The following NDST4 variants were observed in gnomAD, a reference collection of about 807,000 sequenced individuals.
NDST4 encodes N-heparan sulfate sulfotransferase 4.
A neutral mutation model predicts 100.8 loss-of-function variants in NDST4; 63 were observed. The ratio of observed to expected loss-of-function variants is 0.62; its 90% CI spans 0.51 to 0.77. The LOEUF (loss-of-function observed/expected upper bound fraction) is 0.77. Among genes scored for constraint, NDST4 ranks in the 30% least tolerant of loss-of-function variants. NDST4 has a pLI of 0.00. For missense variants in NDST4, 943 were observed against 1,018.4 expected, an observed-to-expected ratio of 0.93 and a Z score of 1.01; for synonymous variants, 377 against 361.8, an observed-to-expected ratio of 1.04 and a Z score of -0.48.
At chr4:114,970,389 C>T (rs1389768407) in intron 4 of NDST4, 41 bp downstream of exon 4, 3 of 1,570,152 alleles carry the variant, frequency 1.9e-6, no homozygotes, top group Non-Finnish European at 2.6e-6. Context: ...CACAAGATCA[C>T]AACTTATAGT....
chr4:115,007,274 T>C (rs1727440622), intron 2 of NDST4, among the ~76,000 whole-genome samples: 1 of 152,160 alleles, frequency 6.6e-6, no homozygotes, highest in Admixed American at 6.6e-5. Context: ...TGGTTAAAAC[T>C]TCTAAATGCT....
chr4:114,973,280 A>C (rs553500667), intron 3 of NDST4, among the ~76,000 whole-genome samples: 2 of 152,090 alleles, frequency 1.3e-5, no homozygotes, highest in Admixed American at 1.3e-4. Context: ...TTCTATACCT[A>C]ATATATACTT....
At chr4:114,973,333 G>T (rs186215204) in intron 3 of NDST4, among the ~76,000 whole-genome samples, 1 of 151,500 alleles carries the variant, frequency 6.6e-6, no homozygotes, top group African/African-American at 2.4e-5. Context: ...TATGTGACCA[G>T]ATTAGCACAT....
chr4:114,846,114 T>C (rs1218145168), intron 9 of NDST4, 117 bp from the exon 10 acceptor site: 8 of 822,128 alleles, frequency 9.7e-6, no homozygotes, highest in Non-Finnish European at 1.5e-5. Flanking sequence ...ATTATTATGC[T>C]GTTATAGTTT....
intron 2 of NDST4, among the ~76,000 whole-genome samples, chr4:114,989,750 G>T (rs970002740): frequency 6.6e-6 from 1 of 152,174 alleles, no homozygotes; most frequent in Admixed American, 6.6e-5. Context: ...CAGGAAGAAA[G>T]TGGTCAGATT....
intron 2 of NDST4, among the ~76,000 whole-genome samples, chr4:115,067,046 G>A (rs1728962648): frequency 6.6e-6 from 1 of 152,158 alleles, no homozygotes; most frequent in Admixed American, 6.6e-5. Flanking sequence ...CTCCACTGTC[G>A]AATATCTTGG....
At chr4:114,862,507 G>T (rs1346362417) in intron 7 of NDST4, among the ~76,000 whole-genome samples, 1 of 152,084 alleles carries the variant, frequency 6.6e-6, no homozygotes, top group African/African-American at 2.4e-5. Context: ...TTTATGCTTA[G>T]CAAAGGTAGA....
chr4:114,864,787 T>C (rs1723990783), intron 7 of NDST4, among the ~76,000 whole-genome samples: 1 of 152,172 alleles, frequency 6.6e-6, no homozygotes, highest in Admixed American at 6.5e-5. Flanking sequence ...TGCTACAAAG[T>C]ACCCTGAATT....
chr4:115,002,971 C>T (rs907322467), intron 2 of NDST4, among the ~76,000 whole-genome samples: 3 of 152,044 alleles, frequency 2.0e-5, no homozygotes, highest in Admixed American at 2.0e-4. Flanking sequence ...AGCAAACTAA[C>T]ACAGGAACAG....
intron 2 of NDST4, among the ~76,000 whole-genome samples, chr4:115,027,637 T>G (rs1290458651): frequency 6.6e-6 from 1 of 152,144 alleles, no homozygotes; most frequent in Admixed American, 6.6e-5. Flanking sequence ...GGAAGATCCT[T>G]TATATCCTGA....
intron 4 of NDST4, among the ~76,000 whole-genome samples, chr4:114,951,713 G>A (rs1052326332): frequency 6.6e-6 from 1 of 151,958 alleles, no homozygotes; most frequent in Non-Finnish European, 1.5e-5. Context: ...TATAATAATC[G>A]TCAAAGACAG....
chr4:114,833,563 T>C lies in NDST4; in HGVS notation c.2396+43A>G, dbSNP rs1376143645. The C allele has an allele frequency of 7.0e-6, 9 of 1,286,698 alleles. No homozygotes were observed. The South Asian group carries it at 9.6e-5, about 14-fold the overall frequency. The allele number at this position is 1,286,698 out of a possible 1,614,324, so 79.7% of individuals were successfully genotyped here. A position where few individuals can be genotyped will look rare whatever the true frequency, so the allele number is the denominator to read the frequency against. ...CACACCTACCAGTGATAATTTATGA[T>C]GGCAAATAATGGAAATGAAATCAAG... On this transcript the variant is annotated intron_variant, in intron 12 of 13. Transcript: ENST00000264363.
chr4:114,949,876 G>A (rs915736134), intron 4 of NDST4, among the ~76,000 whole-genome samples: 5 of 151,976 alleles, frequency 3.3e-5, no homozygotes, highest in African/African-American at 1.2e-4. Context: ...TAGAAGTGAC[G>A]TCCCAGGATT....
intron 6 of NDST4, among the ~76,000 whole-genome samples, chr4:114,925,485 T>G (rs574688710): frequency 1.3e-5 from 2 of 152,164 alleles, no homozygotes; most frequent in Non-Finnish European, 2.9e-5. Context: ...TAATCCATAA[T>G]GTACTGCACC....
chr4:114,951,445 C>T (rs919159040), intron 4 of NDST4, among the ~76,000 whole-genome samples: 1 of 151,972 alleles, frequency 6.6e-6, no homozygotes, highest in Non-Finnish European at 1.5e-5. Context: ...CATCATCAAC[C>T]TCTTATTTCA....
Position 115,076,718 on chromosome 4 carries a change from G to A in NDST4, c.319C>T (p.His107Tyr), listed in dbSNP as rs768545049. The change falls in exon 2 of 14, where the codon CAC (histidine) becomes TAC (tyrosine). Residue 107 changes from histidine to tyrosine, a missense_variant. Physicochemically the swap from His to Tyr is moderately conservative, Grantham distance 83. This residue lies in a region of NDST4 where 417 missense variants were observed against 384.2 expected (regional missense o/e 1.09). Coordinates refer to ENST00000264363, the MANE Select transcript of NDST4 (RefSeq NM_022569.3). ...AILESSRFQYHMVIAPGKGDI... is the reference protein window; with the variant it reads ...AILESSRFQYYMVIAPGKGDI... Reference sequence around the variant, plus strand: ...CCCTTTCCAGGGGCAATAACCATGTGGTACTGAAATCGGCTGGACTCCAAA... The same window carrying A: ...CCCTTTCCAGGGGCAATAACCATGTAGTACTGAAATCGGCTGGACTCCAAA... 1.2e-6 allele frequency: 2 copies of A among 1,613,882 alleles called. No homozygotes were observed. Among genetic ancestry groups the A allele is most frequent in the Admixed American group, 3.3e-5 (2 of 59,992 alleles).
At chr4:115,016,009 G>T (rs1727669271) in intron 2 of NDST4, among the ~76,000 whole-genome samples, 1 of 152,032 alleles carries the variant, frequency 6.6e-6, no homozygotes, top group African/African-American at 2.4e-5. Flanking sequence ...ATATGGATTT[G>T]CCTTCCCTCC....
intron 6 of NDST4, among the ~76,000 whole-genome samples, chr4:114,894,285 T>C (rs1411065588): frequency 1.3e-5 from 2 of 152,192 alleles, no homozygotes; most frequent in Non-Finnish European, 2.9e-5. Flanking sequence ...ACAATGTCAA[T>C]GGTAGTTTGC....
chr4:114,865,208 G>T (rs534325055), intron 7 of NDST4, among the ~76,000 whole-genome samples: 5 of 152,006 alleles, frequency 3.3e-5, no homozygotes, highest in African/African-American at 4.8e-5. Flanking sequence ...GGGACTGCAG[G>T]CACACACCAC....
Sources: allele counts gnomAD v4.1 joint callset (sites outside exome capture counted in the v4.1 genomes callset), GRCh38; gene constraint gnomAD v4.1.1; regional missense constraint gnomAD v4.1.1; transcripts MANE v1.5; gene names NCBI Gene and HGNC (gene_info 2026-07-23, HGNC 2026-07-21).